Variants in LOC122539214 observed in about 807,000 individuals in gnomAD.
the LOC122539214 span, chr19:52,652,973 A>C: frequency 3.0e-6 from 4 of 1,319,138 alleles, no homozygotes; most frequent in Non-Finnish European, 3.3e-6. Flanking sequence ...CACTCATTAC[A>C]CCTGTAAGGT....
the LOC122539214 span, among the ~76,000 whole-genome samples, chr19:52,685,016 C>T: frequency 5.3e-5 from 8 of 152,194 alleles, no homozygotes; most frequent in African/African-American, 1.4e-4. Context: ...AGAAAGGCCC[C>T]GAAGATGGTC....
chr19:52,666,163 C>CAA, the LOC122539214 span, among the ~76,000 whole-genome samples: 1,370 of 102,114 alleles, frequency 0.013, 24 homozygotes, highest in African/African-American at 0.019. Context: ...GACTCCATCT[C>CAA]AAAAAAAAAA....
At chr19:52,657,664 A>T in the LOC122539214 span, among the ~76,000 whole-genome samples, 329 of 152,314 alleles carry the variant, frequency 2.2e-3, 1 homozygote, top group African/African-American at 6.8e-3. Flanking sequence ...CCTGACCAAC[A>T]TAGAGAAACC....
the LOC122539214 span, among the ~76,000 whole-genome samples, chr19:52,683,226 CTCTG>C: frequency 9.7e-4 from 132 of 135,768 alleles, no homozygotes; most frequent in African/African-American, 2.4e-3. Flanking sequence ...TGCCCTGTGA[CTCTG>C]TGTGTGTGTG....
the LOC122539214 span, among the ~76,000 whole-genome samples, chr19:52,674,826 A>G: frequency 6.6e-6 from 1 of 152,204 alleles, no homozygotes; most frequent in African/African-American, 2.4e-5. Context: ...TGATTATACA[A>G]CCCAAGATGA....
chr19:52,665,512 T>A, the LOC122539214 span, among the ~76,000 whole-genome samples: 1 of 152,254 alleles, frequency 6.6e-6, no homozygotes, highest in East Asian at 1.9e-4. Flanking sequence ...TTGTTAGATA[T>A]GAGTTCTAAA....
At chr19:52,666,382 A>G in the LOC122539214 span, among the ~76,000 whole-genome samples, 8 of 152,220 alleles carry the variant, frequency 5.3e-5, no homozygotes, top group East Asian at 5.8e-4. Context: ...CCATGACCCT[A>G]TAACACTCCA....
chr19:52,653,331 A>G, the LOC122539214 span: 1 of 1,275,672 alleles, frequency 7.8e-7, no homozygotes, highest in South Asian at 1.2e-5. Flanking sequence ...TCTCTCCAGT[A>G]TGAACTCTCT....
the LOC122539214 span, among the ~76,000 whole-genome samples, chr19:52,665,708 A>T: frequency 6.6e-6 from 1 of 152,140 alleles, no homozygotes; most frequent in African/African-American, 2.4e-5. Flanking sequence ...TAAATTAGCC[A>T]ATCGGAATTA....
At chr19:52,675,679 T>C in the LOC122539214 span, among the ~76,000 whole-genome samples, 1 of 152,038 alleles carries the variant, frequency 6.6e-6, no homozygotes, top group Non-Finnish European at 1.5e-5. Flanking sequence ...CAGATCAATG[T>C]ACCATGTGAT....
the LOC122539214 span, among the ~76,000 whole-genome samples, chr19:52,677,696 C>T: frequency 5.2e-5 from 3 of 58,008 alleles, no homozygotes; most frequent in African/African-American, 4.4e-4. Context: ...AGACCACAGG[C>T]GTGAAGAATG....
chr19:52,667,951 T>C, the LOC122539214 span, among the ~76,000 whole-genome samples: 1 of 152,112 alleles, frequency 6.6e-6, no homozygotes, highest in Non-Finnish European at 1.5e-5. Flanking sequence ...CTTTCTTTGG[T>C]CTAAAAACTA....
At chr19:52,679,275 T>C in the LOC122539214 span, among the ~76,000 whole-genome samples, 11 of 152,116 alleles carry the variant, frequency 7.2e-5, no homozygotes, top group Admixed American at 5.9e-4. Flanking sequence ...GGGATGAACA[T>C]TGCCACAGTG....
the LOC122539214 span, among the ~76,000 whole-genome samples, chr19:52,668,267 C>T: frequency 6.6e-6 from 1 of 152,154 alleles, no homozygotes; most frequent in Admixed American, 6.5e-5. Context: ...GCTGTTCATA[C>T]AGCAGAAAGG....
the LOC122539214 span, among the ~76,000 whole-genome samples, chr19:52,664,513 A>G: frequency 7.2e-5 from 11 of 152,088 alleles, no homozygotes; most frequent in African/African-American, 9.7e-5. Flanking sequence ...AAAAAGAAGA[A>G]GAAGGAACCA....
At chr19:52,683,803 AG>A in the LOC122539214 span, among the ~76,000 whole-genome samples, 2 of 152,192 alleles carry the variant, frequency 1.3e-5, no homozygotes, top group Admixed American at 6.5e-5. Context: ...CATTTGCCCC[AG>A]CCCCTCAGTC....
chr19:52,687,633 G>GTGTATA, the LOC122539214 span, among the ~76,000 whole-genome samples: 15 of 27,846 alleles, frequency 5.4e-4, 3 homozygotes, highest in African/African-American at 2.8e-3. Flanking sequence ...TATATATAAT[G>GTGTATA]TATATATATA....
chr19:52,652,167 G>A, the LOC122539214 span: 1 of 225,414 alleles, frequency 4.4e-6, no homozygotes, highest in Non-Finnish European at 8.8e-6. Flanking sequence ...CACTGGGCGT[G>A]GTGGCTCATG....
the LOC122539214 span, among the ~76,000 whole-genome samples, chr19:52,676,083 T>C: frequency 6.6e-6 from 1 of 152,116 alleles, no homozygotes; most frequent in Non-Finnish European, 1.5e-5. Context: ...CCTCCCTGCC[T>C]GATTCTCCTG....
Sources: allele counts gnomAD v4.1 joint callset (sites outside exome capture counted in the v4.1 genomes callset), GRCh38; gene constraint gnomAD v4.1.1; transcripts MANE v1.5.